Variants in ANKFN1 observed in about 807,000 individuals in gnomAD.
The protein encoded by ANKFN1 is ankyrin repeat and fibronectin type III domain containing 1.
ANKFN1 carries 74 observed loss-of-function variants against 108.7 expected under a neutral mutation model. That is an observed-to-expected ratio of 0.68 (90% CI 0.56 to 0.83). The LOEUF is 0.83. Among genes scored for constraint, ANKFN1 ranks in the 40% least tolerant of loss-of-function variants. ANKFN1 has a pLI of 0.00. For synonymous variants in ANKFN1, 547 were observed against 516.2 expected (o/e 1.06, Z -0.81); for missense variants, 1,505 against 1,382.3 (o/e 1.09, Z -1.41).
chr17:56,322,885 T>C (rs2045409996), intron 3 of ANKFN1, among the ~76,000 whole-genome samples: 1 of 152,220 alleles, frequency 6.6e-6, no homozygotes, highest in Admixed American at 6.5e-5. Flanking sequence ...TTTGAAAAGA[T>C]GCCCTGTTCA....
intron 4 of ANKFN1, among the ~76,000 whole-genome samples, chr17:56,344,859 T>G (rs898850260): frequency 3.3e-5 from 5 of 151,886 alleles, no homozygotes; most frequent in African/African-American, 1.2e-4. Flanking sequence ...CAGGCTACTG[T>G]TTTTTTGTTT....
chr17:56,279,471 C>T (rs1410167097), intron 3 of ANKFN1, among the ~76,000 whole-genome samples: 1 of 152,200 alleles, frequency 6.6e-6, no homozygotes, highest in Admixed American at 6.5e-5. Context: ...CTTCTTCAGA[C>T]AGTCTTTTGT....
At chr17:56,387,760 T>G (rs1039022424) in intron 8 of ANKFN1, among the ~76,000 whole-genome samples, 1 of 152,214 alleles carries the variant, frequency 6.6e-6, no homozygotes, top group African/African-American at 2.4e-5. Flanking sequence ...GCAGTTTGAC[T>G]TGATTTCTAT....
At chr17:56,443,535 C>T (rs899063741) in intron 10 of ANKFN1, among the ~76,000 whole-genome samples, 6 of 152,110 alleles carry the variant, frequency 3.9e-5, no homozygotes, top group African/African-American at 1.4e-4. Context: ...CTTCCTCACC[C>T]GCAGTGCACA....
chr17:56,496,196 G>C (rs893735573), intron 19 of ANKFN1, among the ~76,000 whole-genome samples: 2 of 152,064 alleles, frequency 1.3e-5, no homozygotes, highest in African/African-American at 2.4e-5. Flanking sequence ...TTTTTCTTCA[G>C]TTAAGACCTC....
At chr17:56,130,863 C>T (rs1907239998) in intron 4 of ANKFN1, among the ~76,000 whole-genome samples, 1 of 152,066 alleles carries the variant, frequency 6.6e-6, no homozygotes, top group Non-Finnish European at 1.5e-5. Context: ...TGTATAGCAA[C>T]TTGTCAAACC....
Position 56,372,832 on chromosome 17 carries a change from A to G in ANKFN1, c.788A>G (p.Glu263Gly), listed in dbSNP as rs760218269. The G allele has an allele frequency of 1.9e-6, 3 of 1,612,934 alleles. No homozygotes were observed. The highest frequency in any genetic ancestry group is 2.5e-6 in the Non-Finnish European group (3 of 1,179,686). Residue 263 changes from glutamate to glycine, a missense_variant, in exon 7 of 21, where the codon GAG (glutamate) becomes GGG (glycine). Transcript: ENST00000682825. ...RLYRRMKTGF[E>G]HARAPEMPTN... is the part of the protein sequence containing the mutation. ...TACAGACGCATGAAAACAGGCTTTGAGCATGCCAGTGAGTATAAGCAGAAA... is the reference window on the plus strand; with the variant it reads ...TACAGACGCATGAAAACAGGCTTTGGGCATGCCAGTGAGTATAAGCAGAAA...
chr17:56,478,955 T>G (rs1031006273), intron 16 of ANKFN1, among the ~76,000 whole-genome samples: 9 of 152,186 alleles, frequency 5.9e-5, no homozygotes, highest in Non-Finnish European at 7.3e-5. Context: ...GAAATGATGA[T>G]GAGGAGGAGG....
intron 2 of ANKFN1, among the ~76,000 whole-genome samples, chr17:56,222,743 A>G (rs1915977041): frequency 6.6e-6 from 1 of 152,204 alleles, no homozygotes; most frequent in South Asian, 2.1e-4. Context: ...ATACACATAG[A>G]GGACACATCT....
intron 4 of ANKFN1, among the ~76,000 whole-genome samples, chr17:56,059,498 G>T (rs1322013062): frequency 2.0e-5 from 3 of 152,110 alleles, no homozygotes; most frequent in African/African-American, 4.8e-5. Flanking sequence ...TTGTCATGAA[G>T]TCTTTGCCTA....
Position 56,510,475 on chromosome 17 carries a change from T to A in ANKFN1, c.2647T>A (p.Ser883Thr). 6.5e-7 allele frequency: 1 copy of A among 1,534,368 alleles called. No individual in the cohort carries two copies. The highest frequency in any genetic ancestry group is 1.2e-5 in the South Asian group (1 of 83,872). ...AACCTCAGTTTCTGGCTTCGCAGAT[T>A]CACAGCCCTGCTCTGATGAAGAAGC... The part of the protein sequence containing the change: ...EMHRRKTVSD[S>T]QPCSDEEACS... Residue 883 changes from serine to threonine, a missense_variant and splice_region_variant, in exon 21 of 21, where the codon TCA becomes ACA. By Grantham distance (58) the Ser-to-Thr change is moderately conservative (BLOSUM62 1). Transcript: ENST00000682825.
rs532705787 is a variant in ANKFN1 at position 56,453,857 on chromosome 17, T to G, written c.1208-3004T>G. ...GTTTTCCAGCTTTCAGGACTAAGTC[T>G]GATGTCATTCTAATTCCAGAGGTTC... On this transcript the variant is annotated intron_variant, in intron 11 of 20. Transcript: ENST00000682825. Among the ~76,000 whole-genome samples, 18 of 152,272 alleles carry G rather than the reference T, an allele frequency of 1.2e-4. 2 individuals carry two copies. Among genetic ancestry groups the G allele is most frequent in the African/African-American group, 4.3e-4 (18 of 41,574 alleles).
intron 2 of ANKFN1, among the ~76,000 whole-genome samples, chr17:56,213,379 C>T (rs1312301157): frequency 2.0e-5 from 3 of 152,086 alleles, no homozygotes; most frequent in Non-Finnish European, 4.4e-5. Context: ...GAAACATGGC[C>T]CACGCTGGAT....
At chr17:56,169,879 C>T (rs1156813835) in intron 1 of ANKFN1, among the ~76,000 whole-genome samples, 1 of 152,176 alleles carries the variant, frequency 6.6e-6, no homozygotes. Context: ...CCTAAGGCTG[C>T]TCTTTGTAAT....
intron 8 of ANKFN1, among the ~76,000 whole-genome samples, chr17:56,381,225 G>A (rs2047093575): frequency 6.6e-6 from 1 of 152,306 alleles, no homozygotes; most frequent in Non-Finnish European, 1.5e-5. Flanking sequence ...GCAGCTGAGG[G>A]TCCTGTCTGT....
upstream of ANKFN1, among the ~76,000 whole-genome samples, chr17:56,151,506 G>A (rs1908605503): frequency 6.6e-6 from 1 of 152,146 alleles, no homozygotes; most frequent in African/African-American, 2.4e-5. Context: ...AAAGTGCTGG[G>A]TTGGGGCTAT....
intron 6 of ANKFN1, among the ~76,000 whole-genome samples, chr17:56,361,182 T>G (rs184533897): frequency 2.1e-4 from 32 of 152,262 alleles, no homozygotes; most frequent in African/African-American, 6.5e-4. Context: ...TTAAAAAAAT[T>G]TTAAATATAC....
intron 4 of ANKFN1, among the ~76,000 whole-genome samples, chr17:56,087,412 CTG>C (rs1171132167): frequency 6.6e-6 from 1 of 151,386 alleles, no homozygotes; most frequent in Non-Finnish European, 1.5e-5. Flanking sequence ...TTCAGAGAGA[CTG>C]TGGTTTCTTT....
chr17:56,223,882 C>A (rs573477614), intron 2 of ANKFN1, among the ~76,000 whole-genome samples: 2 of 152,332 alleles, frequency 1.3e-5, no homozygotes, highest in South Asian at 4.1e-4. Context: ...CTTCCAAATG[C>A]TTTATATGTA....
Sources: allele counts gnomAD v4.1 joint callset (sites outside exome capture counted in the v4.1 genomes callset), GRCh38; gene constraint gnomAD v4.1.1; transcripts MANE v1.5; gene names NCBI Gene and HGNC (gene_info 2026-07-23, HGNC 2026-07-21).